CAPN9: variants seen among roughly 807,000 people sequenced by gnomAD.
CAPN9 encodes the protein calpain 9.
CAPN9 carries 81 observed loss-of-function variants against 92.8 expected under a neutral mutation model. The ratio of observed to expected loss-of-function variants is 0.87; its 90% confidence interval spans 0.73 to 1.05. The LOEUF (loss-of-function observed/expected upper bound fraction) is 1.05, where lower values mean the gene tolerates loss of function less well. CAPN9 is among the 50% of genes least tolerant of loss of function. The probability of loss-of-function intolerance (pLI) is 0.00; values close to 1 mark genes in which losing one functional copy is unlikely to be tolerated. For missense variants in CAPN9, 848 were observed against 866.2 expected (o/e 0.98, Z 0.26); for synonymous variants, 304 against 328.0 (o/e 0.93, Z 0.79).
Position 230,791,870 on chromosome 1 carries a change from A to T in CAPN9, c.1664A>T (p.Asp555Val). 5 of 1,613,172 alleles carry T rather than the reference A, an allele frequency of 3.1e-6. No individual in the cohort carries two copies. The highest frequency in any genetic ancestry group is 4.2e-6 in the Non-Finnish European group (5 of 1,179,082). ...VLNAVLQKKKDIKFKKLSLIS... is the reference protein window; with the variant it reads ...VLNAVLQKKKVIKFKKLSLIS... ...CTTTCATGTGCAATTTCAGAAAAGG[A>T]CATCAAATTCAAGAAGCTAAGCCTG... Residue 555 changes from aspartate (D) to valine (V), a missense_variant, in exon 15 of 20, where the codon GAC becomes GTC. Coordinates refer to ENST00000271971, the MANE Select transcript of CAPN9 (RefSeq NM_006615.3).
chr1:230,795,028 C>T (rs1668254993), intron 17 of CAPN9, 135 bp from the exon 18 acceptor site: 3 of 654,918 alleles, frequency 4.6e-6, no homozygotes, highest in Non-Finnish European at 8.2e-6. Context: ...TCTGGGGACC[C>T]CAGCTTTGAG....
chr1:230,757,522 G>A (rs527346234), intron 2 of CAPN9, among the ~76,000 whole-genome samples: 1 of 152,138 alleles, frequency 6.6e-6, no homozygotes, highest in African/African-American at 2.4e-5. Context: ...ACTGTACATG[G>A]CATATATATG....
In CAPN9 at chr1:230,780,667, T is replaced by C. The variant is rs1667158860; in HGVS notation, c.1440T>C (p.Asp480=). 1 of 1,614,018 alleles carries C rather than the reference T, an allele frequency of 6.2e-7. No homozygotes were observed. Among genetic ancestry groups the C allele is most frequent in the African/African-American group, 1.3e-5 (1 of 74,900 alleles). The stretch of plus-strand genomic sequence containing the variant: ...CTTTTGAGCCCCACCAGGAAGCTGA[T>C]TTCTGTCTGAGAATCTTTTCAGAGA... ...PSTFEPHQEA[D]FCLRIFSEKK... The change falls in exon 11 of 20, where the codon GAT becomes GAC. Residue 480 remains aspartate, a synonymous_variant. Coordinates refer to ENST00000271971, the MANE Select transcript of CAPN9 (RefSeq NM_006615.3).
At chr1:230,762,139 T>C (rs753298156) in intron 3 of CAPN9, among the ~76,000 whole-genome samples, 4 of 152,210 alleles carry the variant, frequency 2.6e-5, no homozygotes, top group Non-Finnish European at 4.4e-5. Flanking sequence ...TGAGTCCACC[T>C]GCCTCCTATG....
chr1:230,770,014 C>T (rs908496897), intron 6 of CAPN9, among the ~76,000 whole-genome samples: 3 of 152,054 alleles, frequency 2.0e-5, no homozygotes, highest in Non-Finnish European at 4.4e-5. Context: ...GTAGGCTATT[C>T]GGAGTTCAGC....
intron 19 of CAPN9, among the ~76,000 whole-genome samples, chr1:230,800,286 G>GAA (rs1234068291): frequency 8.1e-6 from 1 of 123,390 alleles, no homozygotes; most frequent in African/African-American, 3.1e-5. Flanking sequence ...AAGAAAGAAA[G>GAA]AAAGAAAGAA....
At chr1:230,798,108 C>T (rs780483937) in intron 18 of CAPN9, 54 bp from the exon 19 acceptor site, 28 of 1,366,928 alleles carry the variant, frequency 2.0e-5, no homozygotes, top group African/African-American at 2.8e-5. Context: ...GGGAAACAAA[C>T]TTGGTAAAGG....
At chr1:230,765,212 GACACACACACACACACACAC>G (rs56286310) in intron 4 of CAPN9, among the ~76,000 whole-genome samples, 24 of 132,036 alleles carry the variant, frequency 1.8e-4, no homozygotes, top group African/African-American at 4.7e-4. Context: ...ACACATGCAA[GACACACACACACACACACAC>G]ACACACACAC....
chr1:230,781,513 C>A (rs1025347971), intron 11 of CAPN9, among the ~76,000 whole-genome samples: 2 of 152,232 alleles, frequency 1.3e-5, no homozygotes, highest in African/African-American at 4.8e-5. Flanking sequence ...ATTTTCCTCA[C>A]AGTGTCTTAG....
Position 230,787,579 on chromosome 1 carries a change from C to G in CAPN9, c.1576C>G (p.Leu526Val), listed in dbSNP as rs199898968. ...ETEEEQRFRA[L>V]FEQVAGEDME... is the part of the protein sequence containing the mutation. The stretch of plus-strand genomic sequence containing the variant: ...AGAGGAGGAGCAGCGGTTTCGGGCT[C>G]TGTTTGAACAAGTCGCTGGTGAGGT... Residue 526 changes from leucine to valine, a missense_variant, in exon 13 of 20, where the codon CTG (leucine) becomes GTG (valine). Transcript: ENST00000271971. 3 of 1,613,956 alleles carry G rather than the reference C, an allele frequency of 1.9e-6. No homozygotes were observed. The highest frequency in any genetic ancestry group is 1.7e-6 in the Non-Finnish European group (2 of 1,179,960).
chr1:230,784,655 G>A (rs998489944), intron 11 of CAPN9, among the ~76,000 whole-genome samples: 8 of 152,380 alleles, frequency 5.3e-5, no homozygotes, highest in Admixed American at 2.0e-4. Context: ...AGGCTTGGCA[G>A]CCTCCACCTA....
rs745946152 is a variant in CAPN9 at position 230,762,806 on chromosome 1, G to C, written c.536+20G>C. On this transcript the variant is annotated intron_variant, in intron 4 of 19. Coordinates refer to ENST00000271971, the MANE Select transcript of CAPN9 (RefSeq NM_006615.3). ...CGCCAAGTGAGTGACAGCTTCCCCAGCTCAGGCAGCCTCCCGACAGGAGTC... is the reference window on the plus strand; with the variant it reads ...CGCCAAGTGAGTGACAGCTTCCCCACCTCAGGCAGCCTCCCGACAGGAGTC... The C allele has an allele frequency of 5.0e-6, 8 of 1,611,274 alleles. No individual in the cohort carries two copies. The African/African-American group carries it at 9.4e-5, about 19-fold the overall frequency.
At chr1:230,774,694 G>A in intron 8 of CAPN9, 63 bp downstream of exon 8, 2 of 1,054,790 alleles carry the variant, frequency 1.9e-6, no homozygotes. Flanking sequence ...TGGGGCGTAA[G>A]GAGCACTGTG....
intron 4 of CAPN9, among the ~76,000 whole-genome samples, chr1:230,763,447 T>A (rs1665772836): frequency 6.6e-6 from 1 of 152,144 alleles, no homozygotes; most frequent in East Asian, 1.9e-4. Flanking sequence ...TACTTTCTGT[T>A]TTTATGATTT....
intron 15 of CAPN9, 54 bp downstream of exon 15, chr1:230,791,982 C>G: frequency 7.8e-7 from 1 of 1,276,136 alleles, no homozygotes; most frequent in Non-Finnish European, 1.1e-6. Context: ...GCTTTAAGCA[C>G]AGTAGAGTAA....
At chr1:230,777,630 C>T (rs1415157310) in intron 8 of CAPN9, among the ~76,000 whole-genome samples, 2 of 152,140 alleles carry the variant, frequency 1.3e-5, no homozygotes, top group African/African-American at 4.8e-5. Flanking sequence ...CCGCCAGTTC[C>T]TCTTCTCCCT....
At chr1:230,751,605 GAAAGAGAAAGAAAGAAAGAA>G (rs1194431884) in intron 1 of CAPN9, among the ~76,000 whole-genome samples, 1,633 of 29,432 alleles carry the variant, frequency 0.055, 28 homozygotes, top group Middle Eastern at 0.15. Flanking sequence ...AAGAAAGAAA[GAAAGAGAAAGAAAGAAAGAA>G]AGAAAGAAAG....
At chr1:230,762,363 A>G (rs1427183564) in intron 3 of CAPN9, among the ~76,000 whole-genome samples, 1 of 152,224 alleles carries the variant, frequency 6.6e-6, no homozygotes, top group African/African-American at 2.4e-5. Context: ...AGCACCGTAG[A>G]GTGTCTACTT....
chr1:230,780,642 C>A lies in CAPN9; in HGVS notation c.1415C>A (p.Thr472Asn). 1 of 1,614,126 alleles carries A rather than the reference C, an allele frequency of 6.2e-7. No homozygotes were observed. The highest frequency in any genetic ancestry group is 8.5e-7 in the Non-Finnish European group (1 of 1,180,016). ...PPGEYILIPS[T>N]FEPHQEADFC... The stretch of plus-strand genomic sequence containing the variant: ...GGGGAGTACATCCTGATTCCCAGCA[C>A]TTTTGAGCCCCACCAGGAAGCTGAT... Residue 472 changes from threonine to asparagine, a missense_variant, in exon 11 of 20, where the codon ACT becomes AAT. Coordinates refer to ENST00000271971, the MANE Select transcript of CAPN9 (RefSeq NM_006615.3).
Sources: gnomAD v4.1 joint callset for allele counts (sites outside exome capture counted in the v4.1 genomes callset) on GRCh38, gnomAD v4.1.1 for gene constraint, MANE v1.5 for transcripts, NCBI Gene and HGNC (gene_info 2026-07-23, HGNC 2026-07-21) for gene names.